The following APP variants were observed in gnomAD, a reference collection of about 807,000 sequenced individuals.
APP encodes the protein amyloid-beta precursor protein.
In APP, 31 loss-of-function variants were observed where a neutral mutation model predicts 101.4. The observed-to-expected ratio is 0.31, with a 90% CI of 0.23 to 0.41. APP has a LOEUF of 0.41. Ranked by LOEUF, APP falls within the 10% of genes least tolerant of loss-of-function variation. The pLI, the probability that APP is intolerant of heterozygous loss-of-function variation, is 1.00. For missense variants in APP, 839 were observed against 1,003.7 expected (o/e 0.84, Z 2.22); for synonymous variants, 366 against 364.4 (o/e 1.00, Z -0.05).
rs376910672 is a variant in APP, at chr21:25,995,159, A to C, written c.1090+2201T>G. On this transcript the variant is annotated intron_variant, in intron 8 of 17. Transcript: ENST00000346798. ...TGTACAGCATGAAAATAAATTTATC[A>C]GACAATGATGCTTGTTTCCATCAGT... Among the ~76,000 whole-genome samples the C allele has an allele frequency of 2.8e-4, 42 of 152,326 alleles. No homozygotes were observed. The East Asian group carries it at 3.7e-3, about 13-fold the overall frequency.
At chr21:26,036,612 G>A (rs1456810645) in intron 5 of APP, among the ~76,000 whole-genome samples, 1 of 152,122 alleles carries the variant, frequency 6.6e-6, no homozygotes, top group African/African-American at 2.4e-5. Context: ...CTTTACAGTC[G>A]TGGTCATAGC....
intron 1 of APP, among the ~76,000 whole-genome samples, chr21:26,120,387 T>C (rs1232629592): frequency 4.6e-5 from 7 of 152,182 alleles, no homozygotes; most frequent in Non-Finnish European, 1.0e-4. Flanking sequence ...CTTCCTGGCC[T>C]CAAGTGTTCC....
intron 8 of APP, among the ~76,000 whole-genome samples, chr21:25,983,325 C>A (rs1438294304): frequency 6.6e-6 from 1 of 152,056 alleles, no homozygotes; most frequent in Non-Finnish European, 1.5e-5. Context: ...GCATATTTAA[C>A]ATAAAAAACA....
intron 2 of APP, among the ~76,000 whole-genome samples, chr21:26,111,441 G>A (rs1369740509): frequency 6.6e-6 from 1 of 152,050 alleles, no homozygotes; most frequent in Non-Finnish European, 1.5e-5. Context: ...TACTGAAGAT[G>A]AAAGGAGTGT....
chr21:26,005,637 A>C (rs2043498319), intron 6 of APP, among the ~76,000 whole-genome samples: 1 of 152,222 alleles, frequency 6.6e-6, no homozygotes, highest in Non-Finnish European at 1.5e-5. Context: ...GACCTGAAAC[A>C]CATCTTCAAT....
chr21:25,976,633 T>C (rs748863987), intron 9 of APP, among the ~76,000 whole-genome samples: 1 of 152,226 alleles, frequency 6.6e-6, no homozygotes, highest in Non-Finnish European at 1.5e-5. Flanking sequence ...CAGCAAGGAT[T>C]ACGCTAAGTC....
At chr21:25,920,261 C>T (rs1444566895) in intron 13 of APP, among the ~76,000 whole-genome samples, 16 of 151,774 alleles carry the variant, frequency 1.1e-4, no homozygotes, top group East Asian at 1.9e-4. Context: ...CGGTACCAGC[C>T]GCTGCAAAAT....
At chr21:26,006,272 A>G (rs1235833218) in intron 6 of APP, among the ~76,000 whole-genome samples, 6 of 152,236 alleles carry the variant, frequency 3.9e-5, no homozygotes, top group Non-Finnish European at 2.9e-5. Flanking sequence ...TACACTTTCA[A>G]GATCACAAAT....
intron 5 of APP, among the ~76,000 whole-genome samples, chr21:26,041,251 A>G (rs1169786542): frequency 1.3e-5 from 2 of 152,200 alleles, no homozygotes; most frequent in Non-Finnish European, 2.9e-5. Flanking sequence ...AAAATTAATT[A>G]ACTAATTAAA....
intron 17 of APP, among the ~76,000 whole-genome samples, chr21:25,882,800 T>C (rs2037075688): frequency 6.6e-6 from 1 of 152,180 alleles, no homozygotes; most frequent in South Asian, 2.1e-4. Context: ...AAAGTTTGGA[T>C]GTACCATAGA....
chr21:26,121,858 C>T (rs2062579741), intron 1 of APP, among the ~76,000 whole-genome samples: 1 of 152,068 alleles, frequency 6.6e-6, no homozygotes, highest in Admixed American at 6.6e-5. Flanking sequence ...TTCTCATTGA[C>T]CCACTGCAAT....
At chr21:26,125,846 C>G (rs1236426513) in intron 1 of APP, among the ~76,000 whole-genome samples, 1 of 152,198 alleles carries the variant, frequency 6.6e-6, no homozygotes, top group African/African-American at 2.4e-5. Context: ...ATTTTCAAAA[C>G]TAGCATATGT....
At chr21:26,102,120 C>T (rs1341694448) in intron 2 of APP, among the ~76,000 whole-genome samples, 2 of 936 alleles carry the variant, frequency 2.1e-3, no homozygotes, top group African/African-American at 9.7e-3. Flanking sequence ...CGGAGTCTCG[C>T]TCTTGTCGCC....
intron 6 of APP, among the ~76,000 whole-genome samples, chr21:26,013,567 A>T (rs924514075): frequency 4.6e-5 from 7 of 152,026 alleles, no homozygotes; most frequent in Non-Finnish European, 8.8e-5. Flanking sequence ...CCTTTAATTA[A>T]ATTGGACTAA....
At chr21:25,892,263 G>A (rs901741570) in intron 16 of APP, among the ~76,000 whole-genome samples, 1 of 152,056 alleles carries the variant, frequency 6.6e-6, no homozygotes, top group African/African-American at 2.4e-5. Flanking sequence ...AAGCTGGAAA[G>A]GCACGATCAT....
chr21:25,950,369 CTTTTT>C (rs1005212439), intron 13 of APP, among the ~76,000 whole-genome samples: 2 of 140,834 alleles, frequency 1.4e-5, no homozygotes, highest in Non-Finnish European at 3.1e-5. Flanking sequence ...CCACAAGCAG[CTTTTT>C]TTTTTTCTTT....
chr21:26,169,832 G>A (rs1416574474), intron 1 of APP, among the ~76,000 whole-genome samples: 1 of 152,228 alleles, frequency 6.6e-6, no homozygotes, highest in Non-Finnish European at 1.5e-5. Context: ...ACTTGGGGAA[G>A]GCGCGGGGTG....
chr21:25,893,155 G>A (rs941385827), intron 16 of APP, among the ~76,000 whole-genome samples: 2 of 152,096 alleles, frequency 1.3e-5, no homozygotes, highest in African/African-American at 4.8e-5. Context: ...GTTTTGGAGT[G>A]TCATGAAACA....
intron 3 of APP, among the ~76,000 whole-genome samples, chr21:26,078,677 G>A (rs1229456415): frequency 1.3e-5 from 2 of 152,136 alleles, no homozygotes; most frequent in Admixed American, 6.5e-5. Context: ...AAAATCTTAA[G>A]TTTTGTCACA....
Sources: gnomAD v4.1 joint callset for allele counts (sites outside exome capture counted in the v4.1 genomes callset) on GRCh38, gnomAD v4.1.1 for gene constraint, MANE v1.5 for transcripts, NCBI Gene and HGNC (gene_info 2026-07-23, HGNC 2026-07-21) for gene names.